Variants in RORA observed in about 807,000 individuals in gnomAD.
The protein encoded by RORA is RAR related orphan receptor A, also known as nuclear receptor ROR-alpha.
Under a neutral mutation model 69.5 loss-of-function variants are expected in RORA, and 7 were observed. The observed-to-expected ratio is 0.10, with a 90% CI of 0.06 to 0.19. The LOEUF (loss-of-function observed/expected upper bound fraction) is 0.19. RORA is among the 10% of genes least tolerant of loss of function. The pLI is 1.00. For synonymous variants in RORA, 261 were observed against 240.8 expected (o/e 1.08, Z -0.78); for missense variants, 457 against 663.0 (o/e 0.69, Z 3.41).
intron 1 of RORA, among the ~76,000 whole-genome samples, chr15:60,954,876 T>C (rs778867548): frequency 2.6e-5 from 4 of 152,200 alleles, no homozygotes; most frequent in Non-Finnish European, 4.4e-5. Context: ...ACTTGCTTTA[T>C]TCCTCTTTGC....
chr15:60,543,338 C>A (rs1279057856), intron 2 of RORA, among the ~76,000 whole-genome samples: 1 of 152,000 alleles, frequency 6.6e-6, no homozygotes, highest in African/African-American at 2.4e-5. Context: ...TGGACACTTT[C>A]TTAATCTCTC....
chr15:60,990,072 C>T (rs1264141414), intron 1 of RORA, among the ~76,000 whole-genome samples: 1 of 152,178 alleles, frequency 6.6e-6, no homozygotes, highest in African/African-American at 2.4e-5. Flanking sequence ...CCAATAGTTT[C>T]ATTTGGTTCA....
chr15:60,767,303 T>C (rs1022102208), intron 1 of RORA, among the ~76,000 whole-genome samples: 2 of 152,136 alleles, frequency 1.3e-5, no homozygotes, highest in South Asian at 2.1e-4. Flanking sequence ...CTGTGGTCCA[T>C]GATAAGGACA....
chr15:60,944,856 G>C (rs1892820556), intron 1 of RORA, among the ~76,000 whole-genome samples: 1 of 152,168 alleles, frequency 6.6e-6, no homozygotes, highest in Non-Finnish European at 1.5e-5. Flanking sequence ...GACTCCTGTG[G>C]TTGAGATGCT....
At chr15:60,575,219 C>T (rs1484848589) in intron 2 of RORA, among the ~76,000 whole-genome samples, 1 of 152,182 alleles carries the variant, frequency 6.6e-6, no homozygotes, top group African/African-American at 2.4e-5. Context: ...ATTCCTATAG[C>T]AACGTCACCA....
chr15:60,813,281 T>C (rs2072768290), intron 1 of RORA, among the ~76,000 whole-genome samples: 1 of 152,192 alleles, frequency 6.6e-6, no homozygotes, highest in Admixed American at 6.5e-5. Context: ...GCAGAGACCA[T>C]TGCAGGCCAC....
intron 1 of RORA, among the ~76,000 whole-genome samples, chr15:60,875,099 C>T (rs895922329): frequency 1.3e-5 from 2 of 152,130 alleles, no homozygotes; most frequent in South Asian, 2.1e-4. Context: ...CATAGCTAGA[C>T]CCCTAGCTTA....
chr15:60,506,591 G>A (rs956524729), intron 5 of RORA, among the ~76,000 whole-genome samples: 14 of 152,176 alleles, frequency 9.2e-5, no homozygotes, highest in Admixed American at 6.5e-4. Flanking sequence ...GGTGGCTCAC[G>A]CCTGTAATCC....
chr15:60,867,285 C>T (rs1438842303), intron 1 of RORA, among the ~76,000 whole-genome samples: 1 of 152,152 alleles, frequency 6.6e-6, no homozygotes, highest in Non-Finnish European at 1.5e-5. Flanking sequence ...GAAATTATAG[C>T]TGATGGGTCA....
At chr15:60,601,561 A>G (rs2068809811) in intron 2 of RORA, among the ~76,000 whole-genome samples, 1 of 152,230 alleles carries the variant, frequency 6.6e-6, no homozygotes, top group Admixed American at 6.5e-5. Flanking sequence ...ACATCTGTTA[A>G]AAAGGTAAAA....
chr15:60,679,913 T>C (rs1316627508), intron 1 of RORA, among the ~76,000 whole-genome samples: 1 of 131,140 alleles, frequency 7.6e-6, no homozygotes, highest in African/African-American at 2.8e-5. Context: ...TGAGGAAAAC[T>C]ATTGTTTTGT....
intron 1 of RORA, among the ~76,000 whole-genome samples, chr15:60,980,512 G>C (rs981609277): frequency 6.6e-6 from 1 of 152,070 alleles, no homozygotes; most frequent in African/African-American, 2.4e-5. Context: ...CTGGTCCTGA[G>C]CTTTTCTTTG....
chr15:61,096,654 T>C (rs2078794482), intron 1 of RORA, among the ~76,000 whole-genome samples: 1 of 152,146 alleles, frequency 6.6e-6, no homozygotes, highest in Non-Finnish European at 1.5e-5. Flanking sequence ...GGATCTTCCT[T>C]GCACACAGCT....
intron 3 of RORA, among the ~76,000 whole-genome samples, chr15:60,515,510 T>C (rs537727607): frequency 1.3e-5 from 2 of 152,276 alleles, no homozygotes; most frequent in African/African-American, 4.8e-5. Context: ...TCAATAACTT[T>C]ATTTTTGTTT....
chr15:60,949,588 C>G (rs1893018312), intron 1 of RORA, among the ~76,000 whole-genome samples: 1 of 152,158 alleles, frequency 6.6e-6, no homozygotes, highest in Non-Finnish European at 1.5e-5. Context: ...GAACTCTGAG[C>G]TGGACACTCC....
chr15:60,751,101 G>T (rs1270564919), intron 1 of RORA, among the ~76,000 whole-genome samples: 1 of 152,138 alleles, frequency 6.6e-6, no homozygotes, highest in Non-Finnish European at 1.5e-5. Context: ...AGGAGAACAG[G>T]GACAGCCCAC....
chr15:60,615,171 T>G, intron 2 of RORA: 1 of 1,002,072 alleles, frequency 1.0e-6, no homozygotes, highest in South Asian at 1.9e-5. Context: ...GCTAGTGCAC[T>G]TGGCAGAGCT....
Position 61,033,419 on chromosome 15 carries a change from C to CAAAAA in RORA, c.166+195629_166+195633dup, listed in dbSNP as rs1555403815. On this transcript the variant is annotated intron_variant, in intron 1 of 10. Transcript: ENST00000335670. ...TATAGCTTTATTCTGAAAAAAAAAA[C>CAAAAA]AAAAACCAGTTTTGCTCTCAGTGGG... Among the ~76,000 whole-genome samples, 10 of 150,642 alleles carry CAAAAA rather than the reference C, an allele frequency of 6.6e-5. No individual in the cohort carries two copies. In the South Asian group the frequency reaches 1.7e-3, roughly 25 times the overall value.
At chr15:61,019,796 G>A (rs1383524996) in intron 1 of RORA, among the ~76,000 whole-genome samples, 1 of 152,070 alleles carries the variant, frequency 6.6e-6, no homozygotes, top group African/African-American at 2.4e-5. Context: ...TCCTGATGTC[G>A]GCCTGACCAC....
Sources: gnomAD v4.1 joint callset for allele counts (sites outside exome capture counted in the v4.1 genomes callset) on GRCh38, gnomAD v4.1.1 for gene constraint, MANE v1.5 for transcripts, NCBI Gene and HGNC (gene_info 2026-07-23, HGNC 2026-07-21) for gene names.